Variants in CSMD1 observed in about 807,000 individuals in gnomAD.
CSMD1 encodes CUB and sushi domain-containing protein 1.
Under a neutral mutation model 417.5 loss-of-function variants are expected in CSMD1, and 213 were observed. The observed-to-expected ratio is 0.51, with a 90% CI of 0.46 to 0.57. The LOEUF (loss-of-function observed/expected upper bound fraction) is 0.57. CSMD1 is among the 20% of genes least tolerant of loss of function. The probability of loss-of-function intolerance (pLI) is 0.00; values close to 1 mark genes in which losing one functional copy is unlikely to be tolerated. For missense variants in CSMD1, 6,923 were observed against 4,529.7 expected (o/e 1.53, Z -15.17); for synonymous variants, 2,862 against 1,736.8 (o/e 1.65, Z -16.11).
intron 10 of CSMD1, among the ~76,000 whole-genome samples, chr8:3,541,107 C>G (rs779282274): frequency 1.3e-5 from 2 of 152,136 alleles, no homozygotes; most frequent in Admixed American, 6.6e-5. Context: ...CTATTCACAA[C>G]AGCAAAGACA....
chr8:3,308,994 G>A (rs1281013877), intron 23 of CSMD1, among the ~76,000 whole-genome samples: 1 of 152,120 alleles, frequency 6.6e-6, no homozygotes, highest in Non-Finnish European at 1.5e-5. Flanking sequence ...AAAGTGCTGG[G>A]ATTACAGGCG....
intron 1 of CSMD1, among the ~76,000 whole-genome samples, chr8:4,711,150 T>C (rs1044991324): frequency 6.7e-6 from 1 of 148,216 alleles, no homozygotes; most frequent in African/African-American, 2.6e-5. Context: ...TTCTCAACAA[T>C]TTTCTCACAA....
chr8:4,048,273 A>G (rs1031770108), intron 3 of CSMD1, among the ~76,000 whole-genome samples: 5 of 152,200 alleles, frequency 3.3e-5, no homozygotes, highest in Non-Finnish European at 5.9e-5. Flanking sequence ...ACACATTTTT[A>G]CACTAATTAT....
At chr8:4,937,741 G>C (rs181597562) in intron 1 of CSMD1, among the ~76,000 whole-genome samples, 1 of 152,014 alleles carries the variant, frequency 6.6e-6, no homozygotes, top group South Asian at 2.1e-4. Flanking sequence ...AGTAAGATAA[G>C]TGTGATCTGA....
intron 26 of CSMD1, among the ~76,000 whole-genome samples, chr8:3,233,902 C>T (rs1417725518): frequency 1.3e-5 from 2 of 152,054 alleles, no homozygotes; most frequent in African/African-American, 4.8e-5. Context: ...ATTTTGGATC[C>T]CAGGGATGGT....
intron 5 of CSMD1, among the ~76,000 whole-genome samples, chr8:3,880,021 G>A (rs527523447): frequency 5.3e-5 from 8 of 152,072 alleles, no homozygotes; most frequent in South Asian, 2.1e-4. Flanking sequence ...ACTGACTAAT[G>A]TAAGTATAAA....
intron 3 of CSMD1, among the ~76,000 whole-genome samples, chr8:4,231,959 T>G (rs1801760381): frequency 6.6e-6 from 1 of 152,206 alleles, no homozygotes; most frequent in Non-Finnish European, 1.5e-5. Context: ...ACCTCCTCCT[T>G]TCTTTCTTTT....
chr8:4,459,981 C>A (rs1229266392), intron 2 of CSMD1, among the ~76,000 whole-genome samples: 2 of 152,146 alleles, frequency 1.3e-5, no homozygotes, highest in Non-Finnish European at 2.9e-5. Flanking sequence ...AAATGACCAT[C>A]AGACTAGACA....
chr8:3,938,765 T>C (rs1563231959), intron 5 of CSMD1, among the ~76,000 whole-genome samples: 1 of 152,208 alleles, frequency 6.6e-6, no homozygotes, highest in South Asian at 2.1e-4. Context: ...AGTGCCTTTG[T>C]TGTTAATGTG....
At chr8:3,552,980 A>C (rs1798982647) in intron 10 of CSMD1, among the ~76,000 whole-genome samples, 1 of 152,190 alleles carries the variant, frequency 6.6e-6, no homozygotes, top group Non-Finnish European at 1.5e-5. Context: ...ATAGTTCACC[A>C]CATATTTAGA....
chr8:3,693,415 T>C (rs188824806), intron 7 of CSMD1, among the ~76,000 whole-genome samples: 4 of 152,282 alleles, frequency 2.6e-5, no homozygotes, highest in Admixed American at 2.0e-4. Context: ...TGGGATAGGC[T>C]GACAATTGTG....
At chr8:3,536,257 A>G (rs183847443) in intron 10 of CSMD1, among the ~76,000 whole-genome samples, 100 of 152,354 alleles carry the variant, frequency 6.6e-4, no homozygotes, top group African/African-American at 2.3e-3. Flanking sequence ...AGCTGAGTTA[A>G]TAAGTTTGTG....
chr8:3,708,749 C>G (rs781551604), intron 6 of CSMD1, among the ~76,000 whole-genome samples: 3 of 152,202 alleles, frequency 2.0e-5, no homozygotes, highest in African/African-American at 7.2e-5. Flanking sequence ...ACTGACTTTA[C>G]ACATCCAATC....
In CSMD1 at chr8:4,723,321, T is replaced by C. The variant is rs1019452786; in HGVS notation, c.86-85763A>G. On this transcript the variant is annotated intron_variant, in intron 1 of 69. Coordinates refer to ENST00000635120, the MANE Select transcript of CSMD1 (RefSeq NM_033225.6). ...CAATTACTACAATAGCCAGGATTGA[T>C]ACCCGGGAGTTAGAAGAAAACTCTT... 2.6e-5 allele frequency among the ~76,000 whole-genome samples: 4 copies of C among 152,182 alleles called. No homozygotes were observed. In the South Asian group the frequency reaches 6.2e-4, roughly 24 times the overall value.
At chr8:4,267,494 C>T (rs1744908457) in intron 3 of CSMD1, among the ~76,000 whole-genome samples, 1 of 151,512 alleles carries the variant, frequency 6.6e-6, no homozygotes, top group African/African-American at 2.4e-5. Context: ...TTAAAGTCTT[C>T]ATATCTAAAC....
intron 12 of CSMD1, among the ~76,000 whole-genome samples, chr8:3,432,437 G>T (rs1055821719): frequency 6.7e-6 from 1 of 150,354 alleles, no homozygotes; most frequent in Non-Finnish European, 1.5e-5. Flanking sequence ...TGCAAAAATA[G>T]AAATGATAAT....
At position 3,219,281 on chromosome 8, in the gene CSMD1, A is replaced by C. The variant is rs1798065855; in HGVS notation, c.4646T>G (p.Leu1549Arg). Residue 1549 changes from leucine (L) to arginine (R), a missense_variant, in exon 29 of 70, where the codon CTT (leucine) becomes CGT (arginine). Leu to Arg is a moderately radical substitution (Grantham distance 102). Transcript: ENST00000635120. ...TTTAAATTCAATGGCGAACCCTGAA[A>C]GGCCCACGGAGGCATCACTCCGAAA... ...LAFRSDASVG[L>R]SGFAIEFKEK... The C allele has an allele frequency of 1.3e-6, 2 of 1,594,416 alleles. No homozygotes were observed. The highest frequency in any genetic ancestry group is 1.7e-6 in the Non-Finnish European group (2 of 1,169,550).
At chr8:4,950,871 G>C (rs190815809) in intron 1 of CSMD1, among the ~76,000 whole-genome samples, 84 of 152,072 alleles carry the variant, frequency 5.5e-4, no homozygotes, top group Non-Finnish European at 1.1e-3. Flanking sequence ...CTTGGCTTAA[G>C]AAAAAGTACC....
chr8:3,029,535 C>T (rs757041110), intron 50 of CSMD1, 22 bp from the exon 51 acceptor site: 6 of 1,561,152 alleles, frequency 3.8e-6, no homozygotes, highest in Middle Eastern at 1.7e-4. Context: ...ACGTACATCA[C>T]ATCATCATTT....
Sources: gnomAD v4.1 joint callset for allele counts (sites outside exome capture counted in the v4.1 genomes callset) on GRCh38, gnomAD v4.1.1 for gene constraint, MANE v1.5 for transcripts, NCBI Gene and HGNC (gene_info 2026-07-23, HGNC 2026-07-21) for gene names.